The following RP1L1 variants were observed in gnomAD, a reference collection of about 807,000 sequenced individuals.
RP1L1 encodes the protein retinitis pigmentosa 1-like 1 protein.
In RP1L1, 27 loss-of-function variants were observed where a neutral mutation model predicts 15.7. The observed-to-expected ratio is 1.72, with a 90% CI of 1.27 to 2.38. The LOEUF is 2.38. Ranked by LOEUF, RP1L1 falls within the 30% of genes most tolerant of loss-of-function variation. The pLI, the probability that RP1L1 is intolerant of heterozygous loss-of-function variation, is 0.00. For synonymous variants in RP1L1, 1,813 were observed against 1,276.7 expected, an observed-to-expected ratio of 1.42 and a Z score of -8.96; for missense variants, 4,798 against 3,075.9, an observed-to-expected ratio of 1.56 and a Z score of -13.24.
At chr8:10,629,697 T>C (rs1031104670) in intron 1 of RP1L1, among the ~76,000 whole-genome samples, 13 of 152,138 alleles carry the variant, frequency 8.5e-5, no homozygotes, top group African/African-American at 3.1e-4. Flanking sequence ...AGTCTAGAGA[T>C]GGCCACTCCC....
At chr8:10,621,389 G>A (rs1347932553) in intron 2 of RP1L1, 3 of 260,906 alleles carry the variant, frequency 1.1e-5, no homozygotes, top group East Asian at 1.1e-4. Context: ...TACAGTGTAT[G>A]ATCTTGGCTC....
At chr8:10,627,953 T>C (rs1237402043) in intron 1 of RP1L1, among the ~76,000 whole-genome samples, 1 of 152,198 alleles carries the variant, frequency 6.6e-6, no homozygotes, top group East Asian at 1.9e-4. Flanking sequence ...GTGCCAGACC[T>C]TTACTTAGAC....
intron 1 of RP1L1, among the ~76,000 whole-genome samples, chr8:10,633,106 C>T (rs11250050): frequency 0.55 from 83,509 of 152,104 alleles, 26,329 homozygotes; most frequent in East Asian, 0.93. Flanking sequence ...TCCCAGGAGA[C>T]GGCAGCAGCG....
In RP1L1 at chr8:10,612,661, C is replaced by A. The variant is rs1312611287; in HGVS notation, c.1437G>T (p.Gly479=). ...GGGCAGAGGGGCTGGCACTGTCCAC[C>A]CCGTCCTCCGGGGTCCTGGGGCAGC... ...SSCCPRTPED[G]VDSASPSAQI... Residue 479 remains glycine, a synonymous_variant, in exon 4 of 4, where the codon GGG becomes GGT. Coordinates refer to ENST00000382483, the MANE Select transcript of RP1L1 (RefSeq NM_178857.6). The A allele has an allele frequency of 1.9e-6, 3 of 1,601,288 alleles. No homozygotes were observed. The highest frequency in any genetic ancestry group is 2.7e-5 in the African/African-American group (2 of 74,808).
intron 1 of RP1L1, among the ~76,000 whole-genome samples, chr8:10,642,093 T>TG (rs1798415487): frequency 6.6e-6 from 1 of 152,202 alleles, no homozygotes; most frequent in African/African-American, 2.4e-5. Context: ...GGAAACTGGG[T>TG]GAAGACTATA....
intron 1 of RP1L1, among the ~76,000 whole-genome samples, chr8:10,637,567 G>C (rs1798348097): frequency 6.6e-6 from 1 of 152,128 alleles, no homozygotes; most frequent in Non-Finnish European, 1.5e-5. Context: ...GCAACAGAGT[G>C]AGACCCCATC....
rs1183533754 is a variant in RP1L1 at position 10,612,473 on chromosome 8, T to A, written c.1625A>T (p.His542Leu). 7 of 1,612,680 alleles carry A rather than the reference T, an allele frequency of 4.3e-6. No individual in the cohort carries two copies. Among genetic ancestry groups the A allele is most frequent in the East Asian group, 4.5e-5 (2 of 44,880 alleles). ...CCCACCCCATTCGCTGGATCCCTCA[T>A]GAGAGCCGGTGCTGGCTGACGAGTC... The part of the protein sequence containing the change: ...SSDSSASTGS[H>L]EGSSEWGGRP... Residue 542 changes from histidine (H) to leucine (L), a missense_variant, in exon 4 of 4, where the codon CAT (histidine) becomes CTT (leucine). Transcript: ENST00000382483.
intron 2 of RP1L1, 78 bp downstream of exon 2, chr8:10,622,515 T>C: frequency 1.3e-6 from 2 of 1,590,918 alleles, no homozygotes; most frequent in Non-Finnish European, 1.7e-6. Flanking sequence ...TAAGGAATAA[T>C]CTCTCTCTTC....
chr8:10,608,985 CCTCCCCATCAGTGTGTT>C lies in RP1L1; in HGVS notation c.5096_5112del (p.Glu1699GlyfsTer17), dbSNP rs779632158. On this transcript the variant is annotated frameshift_variant, in exon 4 of 4. Transcript: ENST00000382483. LOFTEE classifies it low-confidence loss of function (END_TRUNC). ...GTCTTGCCAGGGGCCACCTCTGCTG[CCTCCCCATCAGTGTGTT>C]CTCCCCTCTTCCTCTGCAGAATCTG... 1 of 1,613,182 alleles carries C rather than the reference CCTCCCCATCAGTGTGTT, an allele frequency of 6.2e-7. No homozygotes were observed. The highest frequency in any genetic ancestry group is 1.7e-5 in the Admixed American group (1 of 60,002).
rs753929287 is a variant in RP1L1 at position 10,607,552 on chromosome 8, G to A, written c.6546C>T (p.Ala2182=). 3 of 1,566,076 alleles carry A rather than the reference G, an allele frequency of 1.9e-6. No homozygotes were observed. Among genetic ancestry groups the A allele is most frequent in the South Asian group, 1.1e-5 (1 of 88,336 alleles). ...GCTGGGCCTCCCCTTCTGCCTCTGG[G>A]GCCTCTACACCTTCTAACTCTGGTT... The part of the protein sequence containing the change: ...EAQPELEGVE[A]PEAEGEAQPE... Residue 2182 remains alanine (A), a synonymous_variant, in exon 4 of 4, where the codon GCC becomes GCT. Transcript: ENST00000382483.
chr8:10,615,915 T>C (rs1585973275), intron 3 of RP1L1, among the ~76,000 whole-genome samples: 1 of 152,140 alleles, frequency 6.6e-6, no homozygotes, highest in East Asian at 1.9e-4. Flanking sequence ...CATTTATTTA[T>C]TAATTTTGAG....
At position 10,606,687 on chromosome 8, in the gene RP1L1, G is replaced by A. The variant is rs149378435; in HGVS notation, c.*208C>T. ...CAGACACCCCCTTTCTTCACACTGC[G>A]TGTGGGACGGGCCGCAGAGCTCTCT... On this transcript the variant is annotated 3_prime_UTR_variant, in exon 4 of 4. Coordinates refer to ENST00000382483, the MANE Select transcript of RP1L1 (RefSeq NM_178857.6). The A allele has an allele frequency of 4.1e-5, 32 of 772,896 alleles. No individual in the cohort carries two copies. Among genetic ancestry groups the A allele is most frequent in the African/African-American group, 1.4e-4 (8 of 57,112 alleles). 47.9% of individuals were successfully genotyped at this position (772,896 alleles called of 1,614,324 possible).
chr8:10,618,907 C>T (rs1214749028), intron 2 of RP1L1, among the ~76,000 whole-genome samples: 2 of 152,156 alleles, frequency 1.3e-5, no homozygotes, highest in East Asian at 3.9e-4. Flanking sequence ...TGCTGTGTCA[C>T]CCAGGCTGTA....
Position 10,610,911 on chromosome 8 carries a change from CTCTG to C in RP1L1, c.3183_3186del (p.Asp1061GlufsTer9). The C allele has an allele frequency of 6.2e-7, 1 of 1,610,962 alleles. No individual in the cohort carries two copies. Among genetic ancestry groups the C allele is most frequent in the Non-Finnish European group, 8.5e-7 (1 of 1,179,218 alleles). On this transcript the variant is annotated frameshift_variant, in exon 4 of 4. Transcript: ENST00000382483. LOFTEE classifies it low-confidence loss of function (END_TRUNC). ...CTCACCCTGCAGCCTGCTGGGGCCT[CTCTG>C]TCTGCTCCGGCCTCTGCAGGGGCCT...
intron 1 of RP1L1, among the ~76,000 whole-genome samples, chr8:10,623,676 TGTAGCACCTCC>T (rs767084104): frequency 1.3e-5 from 2 of 149,932 alleles, no homozygotes; most frequent in Non-Finnish European, 1.5e-5. Context: ...AAGCCACATC[TGTAGCACCTCC>T]ATGTTCCCAG....
chr8:10,611,958 G>C lies in RP1L1; in HGVS notation c.2140C>G (p.Gln714Glu), dbSNP rs768294537. Residue 714 changes from glutamine (Q) to glutamate (E), a missense_variant, in exon 4 of 4, where the codon CAG becomes GAG. Transcript: ENST00000382483. ...GGAGGTCTCAGGTTCCCAGAGGCCT[G>C]TGTCCTGGTGCTCGATGAGCTTCCA... is the stretch of plus-strand genomic sequence containing the variant. ...YSGSSSSTRT[Q>E]ASGNLRPPSS... 6.2e-7 allele frequency: 1 copy of C among 1,613,894 alleles called. No homozygotes were observed. Among genetic ancestry groups the C allele is most frequent in the South Asian group, 1.1e-5 (1 of 91,088 alleles).
intron 1 of RP1L1, among the ~76,000 whole-genome samples, chr8:10,643,975 G>A (rs1438238633): frequency 1.3e-5 from 2 of 152,014 alleles, no homozygotes; most frequent in East Asian, 2.0e-4. Context: ...AAGGAAGTTG[G>A]GAGGTGCTCA....
Position 10,612,909 on chromosome 8 carries a change from G to C in RP1L1, c.1189C>G (p.Arg397Gly), listed in dbSNP as rs371886218. 3 of 1,612,590 alleles carry C rather than the reference G, an allele frequency of 1.9e-6. No individual in the cohort carries two copies. The highest frequency in any genetic ancestry group is 2.7e-5 in the African/African-American group (2 of 74,872). Residue 397 changes from arginine to glycine, a missense_variant, in exon 4 of 4, where the codon CGA becomes GGA. Physicochemically the swap from Arg to Gly is moderately radical, Grantham distance 125. Transcript: ENST00000382483. ...TACTTGGGCCCTGGCTGCCCGCCTC[G>C]GCCAAAGACTTCCCTGCATCCCACC... ...CRVGCREVFG[R>G]GGQPGPKYEI...
rs773148778 is a variant in RP1L1 at position 10,623,066 on chromosome 8, A to G, written c.136T>C (p.Phe46Leu). 8 of 1,614,008 alleles carry G rather than the reference A, an allele frequency of 5.0e-6. No homozygotes were observed. Among genetic ancestry groups the G allele is most frequent in the South Asian group, 1.1e-5 (1 of 91,074 alleles). ...ITFLKRGDPR[F>L]AGVRLAVHQR... ...TGAACGGCCAGGCGGACCCCAGCAA[A>G]CCGTGGATCCCCTCGCTTGAGGAAG... The change falls in exon 2 of 4, where the codon TTT becomes CTT. Residue 46 changes from phenylalanine (F) to leucine (L), a missense_variant. Phe to Leu is a conservative substitution (Grantham distance 22). Coordinates refer to ENST00000382483, the MANE Select transcript of RP1L1 (RefSeq NM_178857.6).
Sources: allele counts gnomAD v4.1 joint callset (sites outside exome capture counted in the v4.1 genomes callset), GRCh38; gene constraint gnomAD v4.1.1; transcripts MANE v1.5; gene names NCBI Gene and HGNC (gene_info 2026-07-23, HGNC 2026-07-21).